Variants in ZNF644 observed in about 807,000 individuals in gnomAD.
The protein encoded by ZNF644 is zinc finger motif enhancer binding protein 2.
Under a neutral mutation model 108.0 loss-of-function variants are expected in ZNF644, and 20 were observed. The ratio of observed to expected loss-of-function variants is 0.19; its 90% confidence interval spans 0.13 to 0.27. ZNF644 has a LOEUF of 0.27. Ranked by LOEUF, ZNF644 falls within the 10% of genes least tolerant of loss-of-function variation. The probability of loss-of-function intolerance (pLI) is 1.00; values close to 1 mark genes in which losing one functional copy is unlikely to be tolerated. For missense variants in ZNF644, 1,338 were observed against 1,548.9 expected (o/e 0.86, Z 2.29); for synonymous variants, 542 against 539.1 (o/e 1.01, Z -0.08).
chr1:90,982,281 T>C (rs748261742), intron 2 of ZNF644, 29 bp downstream of exon 2: 2 of 1,575,470 alleles, frequency 1.3e-6, no homozygotes, highest in South Asian at 1.1e-5. Context: ...CCTTGATATG[T>C]ACATTTAACA....
At chr1:90,961,538 CTATA>C (rs1208476200) in intron 2 of ZNF644, among the ~76,000 whole-genome samples, 2 of 151,984 alleles carry the variant, frequency 1.3e-5, no homozygotes, top group Non-Finnish European at 2.9e-5. Context: ...TTTCCAGAGG[CTATA>C]TAAAGTATGA....
chr1:91,010,735 T>TTGGAGCTTCTA (rs11270280), intron 1 of ZNF644, among the ~76,000 whole-genome samples: 23,816 of 152,040 alleles, frequency 0.16, 2,115 homozygotes, highest in Middle Eastern at 0.28. Context: ...CATGAGCTCT[T>TTGGAGCTTCTA]TGGAGTAGAA....
At chr1:90,945,088 T>C (rs575346326) in intron 2 of ZNF644, among the ~76,000 whole-genome samples, 3 of 152,282 alleles carry the variant, frequency 2.0e-5, no homozygotes, top group Admixed American at 1.3e-4. Context: ...GAGACATCAA[T>C]ACCAGTTTAG....
At chr1:90,947,978 CAG>C (rs1207775560) in intron 2 of ZNF644, among the ~76,000 whole-genome samples, 3 of 152,058 alleles carry the variant, frequency 2.0e-5, no homozygotes, top group African/African-American at 7.2e-5. Flanking sequence ...CATTGTAAGT[CAG>C]GGACTGTATG....
intron 4 of ZNF644, 97 bp from the exon 5 acceptor site, chr1:90,918,251 C>T (rs1649027189): frequency 2.0e-6 from 2 of 1,024,340 alleles, no homozygotes; most frequent in African/African-American, 3.2e-5. Context: ...CCATCTAAAT[C>T]AGTTAGAAAA....
chr1:91,007,338 C>A (rs748008763), intron 1 of ZNF644, among the ~76,000 whole-genome samples: 21 of 144,214 alleles, frequency 1.5e-4, no homozygotes, highest in Non-Finnish European at 2.8e-4. Flanking sequence ...CAGGTTCAAG[C>A]GATTTGCTGG....
intron 4 of ZNF644, 73 bp from the exon 5 acceptor site, chr1:90,918,227 A>G: frequency 7.8e-7 from 1 of 1,279,166 alleles, no homozygotes; most frequent in East Asian, 2.4e-5. Flanking sequence ...ATTTTTCTAG[A>G]GAGGTCAGAC....
intron 1 of ZNF644, among the ~76,000 whole-genome samples, chr1:91,002,509 A>C (rs1268432001): frequency 6.6e-6 from 1 of 152,176 alleles, no homozygotes; most frequent in African/African-American, 2.4e-5. Context: ...CCTTCCTTAC[A>C]CCTTATATGA....
intron 2 of ZNF644, among the ~76,000 whole-genome samples, chr1:90,953,585 A>T (rs1653422583): frequency 6.6e-6 from 1 of 152,176 alleles, no homozygotes; most frequent in South Asian, 2.1e-4. Context: ...ATTACACAGA[A>T]GCTATTATGT....
At chr1:91,011,486 C>A (rs1659957811) in intron 1 of ZNF644, among the ~76,000 whole-genome samples, 1 of 152,080 alleles carries the variant, frequency 6.6e-6, no homozygotes, top group Non-Finnish European at 1.5e-5. Context: ...TCTTTATCTG[C>A]AAAGCACCAA....
At chr1:90,953,903 ACT>A (rs989626967) in intron 2 of ZNF644, among the ~76,000 whole-genome samples, 2 of 152,156 alleles carry the variant, frequency 1.3e-5, no homozygotes, top group African/African-American at 2.4e-5. Context: ...ACAGAGCGAG[ACT>A]CTGTCTCAAA....
chr1:90,996,587 C>T (rs1451473792), intron 1 of ZNF644, among the ~76,000 whole-genome samples: 1 of 152,166 alleles, frequency 6.6e-6, no homozygotes, highest in Non-Finnish European at 1.5e-5. Flanking sequence ...GTGCTTGGAA[C>T]CAGTCTGGGC....
At chr1:90,928,176 G>A (rs1209803138) in intron 4 of ZNF644, among the ~76,000 whole-genome samples, 9 of 150,816 alleles carry the variant, frequency 6.0e-5, no homozygotes, top group Admixed American at 6.6e-5. Flanking sequence ...TTTATGAGAC[G>A]GAGTCTCACT....
At chr1:90,984,071 T>C (rs1302443616) in intron 1 of ZNF644, among the ~76,000 whole-genome samples, 1 of 152,096 alleles carries the variant, frequency 6.6e-6, no homozygotes, top group Non-Finnish European at 1.5e-5. Flanking sequence ...TTCTACAGCC[T>C]CCCTCCAGAA....
At position 90,999,894 on chromosome 1, in the gene ZNF644, T is replaced by A. The variant is rs186834700; in HGVS notation, c.-17-17524A>T. Among the ~76,000 whole-genome samples the A allele has an allele frequency of 9.9e-4, 150 of 152,204 alleles. 1 individual carries two copies. Among genetic ancestry groups the A allele is most frequent in the African/African-American group, 3.4e-3 (143 of 41,504 alleles). On this transcript the variant is annotated intron_variant, in intron 1 of 5. Coordinates refer to ENST00000337393, the MANE Select transcript of ZNF644 (RefSeq NM_201269.3). The stretch of plus-strand genomic sequence containing the variant: ...AAAGGCAGGGGTTGCAATCCTAGTC[T>A]CTGATAAAACAGACTTTAAACCAAC...
At position 90,937,582 on chromosome 1, in the gene ZNF644, T is replaced by C. The variant is rs1651462214; in HGVS notation, c.3591A>G (p.Thr1197=). 6.2e-7 allele frequency: 1 copy of C among 1,613,944 alleles called. No individual in the cohort carries two copies. The highest frequency in any genetic ancestry group is 1.1e-5 in the South Asian group (1 of 91,074). The change falls in exon 4 of 6, where the codon ACA becomes ACG. Residue 1197 remains threonine, a synonymous_variant. Transcript: ENST00000337393. ...ATTTCTGAACGAATCTCTTTCTTGCTGTCTGATTATGGATCTTTTGAGGAG... is the reference window on the plus strand; with the variant it reads ...ATTTCTGAACGAATCTCTTTCTTGCCGTCTGATTATGGATCTTTTGAGGAG... ...AISPQKIHNQ[T]ARKRFVQKCV...
chr1:90,977,510 C>G (rs1036544404), intron 2 of ZNF644, among the ~76,000 whole-genome samples: 1 of 152,150 alleles, frequency 6.6e-6, no homozygotes, highest in Non-Finnish European at 1.5e-5. Flanking sequence ...ATATTTCAAA[C>G]CTTTGAGCAC....
intron 2 of ZNF644, 105 bp from the exon 3 acceptor site, chr1:90,941,414 C>A: frequency 1.0e-6 from 1 of 987,778 alleles, no homozygotes; most frequent in Non-Finnish European, 1.4e-6. Context: ...ATTTTCTACT[C>A]TTTATATTGA....
intron 1 of ZNF644, among the ~76,000 whole-genome samples, chr1:90,987,744 C>T (rs190837085): frequency 4.6e-5 from 7 of 152,008 alleles, no homozygotes; most frequent in East Asian, 1.9e-4. Flanking sequence ...AAATTATAGA[C>T]GTATATCTGT....
Sources: allele counts gnomAD v4.1 joint callset (sites outside exome capture counted in the v4.1 genomes callset), GRCh38; gene constraint gnomAD v4.1.1; transcripts MANE v1.5; gene names NCBI Gene and HGNC (gene_info 2026-07-23, HGNC 2026-07-21).